Variants in SUCLG2 observed in about 807,000 individuals in gnomAD.
SUCLG2 encodes succinate-CoA ligase GDP-forming subunit beta.
Under a neutral mutation model 47.9 loss-of-function variants are expected in SUCLG2, and 42 were observed. The observed-to-expected ratio is 0.88, with a 90% CI of 0.69 to 1.14. The LOEUF is 1.14. Among genes scored for constraint, SUCLG2 ranks in the 50% most tolerant of loss-of-function variants. The pLI, the probability that SUCLG2 is intolerant of heterozygous loss-of-function variation, is 0.00. For missense variants in SUCLG2, 571 were observed against 525.9 expected (o/e 1.09, Z -0.84); for synonymous variants, 195 against 197.3 (o/e 0.99, Z 0.10).
At chr3:67,537,193 A>G (rs1304365400) in intron 2 of SUCLG2, among the ~76,000 whole-genome samples, 1 of 151,220 alleles carries the variant, frequency 6.6e-6, no homozygotes, top group Non-Finnish European at 1.5e-5. Flanking sequence ...TGTTATTTAA[A>G]TCCGTTCCCC....
intron 2 of SUCLG2, among the ~76,000 whole-genome samples, chr3:67,588,579 G>A (rs1405936610): frequency 1.3e-5 from 2 of 152,156 alleles, no homozygotes; most frequent in Non-Finnish European, 1.5e-5. Flanking sequence ...ATTGCATGAA[G>A]ATGAAGACAT....
At chr3:67,527,525 G>A (rs973245611) in intron 4 of SUCLG2, among the ~76,000 whole-genome samples, 3 of 152,124 alleles carry the variant, frequency 2.0e-5, no homozygotes, top group African/African-American at 7.2e-5. Flanking sequence ...TTAGGTTCTG[G>A]TCTCAGCTCT....
intron 2 of SUCLG2, among the ~76,000 whole-genome samples, chr3:67,562,443 A>G (rs527503988): frequency 6.6e-6 from 1 of 152,204 alleles, no homozygotes; most frequent in South Asian, 2.1e-4. Context: ...ATGCCCAGCT[A>G]AATTTTGTAT....
At chr3:67,583,652 T>C (rs1167839227) in intron 2 of SUCLG2, among the ~76,000 whole-genome samples, 2 of 152,214 alleles carry the variant, frequency 1.3e-5, no homozygotes, top group African/African-American at 4.8e-5. Flanking sequence ...GGAACTATGA[T>C]TCTTATTTGC....
At chr3:67,426,505 A>T (rs1047231280) in intron 9 of SUCLG2, among the ~76,000 whole-genome samples, 2 of 152,352 alleles carry the variant, frequency 1.3e-5, no homozygotes, top group African/African-American at 4.8e-5. Context: ...GAGTAAAAAA[A>T]TATATATTAC....
chr3:67,618,360 A>T (rs1456917872), intron 1 of SUCLG2, among the ~76,000 whole-genome samples: 1 of 152,162 alleles, frequency 6.6e-6, no homozygotes, highest in East Asian at 1.9e-4. Context: ...CGGAGGTTGC[A>T]GTGAGCCGAG....
chr3:67,621,066 T>C lies in SUCLG2; in HGVS notation c.85-11470A>G, dbSNP rs1247143302. Among the ~76,000 whole-genome samples, 4 of 152,202 alleles carry C rather than the reference T, an allele frequency of 2.6e-5. No individual in the cohort carries two copies. In the East Asian group the frequency reaches 5.8e-4, roughly 22 times the overall value. ...ATAAAGAGCCAGATAGTAAATATTATAGGCTTTGAGGCCAGGTGGACTCTG... is the reference window on the plus strand; with the variant it reads ...ATAAAGAGCCAGATAGTAAATATTACAGGCTTTGAGGCCAGGTGGACTCTG... On this transcript the variant is annotated intron_variant, in intron 1 of 10. Coordinates refer to ENST00000307227, the MANE Select transcript of SUCLG2 (RefSeq NM_003848.4).
At chr3:67,492,433 G>A (rs1461003930) in intron 9 of SUCLG2, among the ~76,000 whole-genome samples, 6 of 152,058 alleles carry the variant, frequency 3.9e-5, no homozygotes, top group Non-Finnish European at 8.8e-5. Flanking sequence ...AAAACCCAAG[G>A]TTAACATTCT....
chr3:67,464,348 G>C (rs778087132), intron 9 of SUCLG2, among the ~76,000 whole-genome samples: 12 of 152,194 alleles, frequency 7.9e-5, no homozygotes, highest in Middle Eastern at 3.2e-3. Flanking sequence ...AATTTTACAA[G>C]CGTGTGTATG....
intron 9 of SUCLG2, among the ~76,000 whole-genome samples, chr3:67,457,574 G>C (rs1559533752): frequency 6.6e-6 from 1 of 151,090 alleles, no homozygotes; most frequent in Non-Finnish European, 1.5e-5. Flanking sequence ...ACTGTGGATA[G>C]TGGTGTTATT....
chr3:67,568,502 T>C (rs537472192), intron 2 of SUCLG2, among the ~76,000 whole-genome samples: 37 of 152,334 alleles, frequency 2.4e-4, no homozygotes, highest in African/African-American at 8.7e-4. Flanking sequence ...AGTGGCATCT[T>C]TTTAAAAGAA....
rs79049890 is a variant in SUCLG2 at position 67,631,074 on chromosome 3, G to A, written c.85-21478C>T. Among the ~76,000 whole-genome samples, 1,280 of 152,292 alleles carry A rather than the reference G, an allele frequency of 8.4e-3. 15 individuals are homozygous for A. The highest frequency in any genetic ancestry group is 0.024 in the Middle Eastern group (7 of 294). On this transcript the variant is annotated intron_variant, in intron 1 of 10. Coordinates refer to ENST00000307227, the MANE Select transcript of SUCLG2 (RefSeq NM_003848.4). ...TGAGAGTCCAGATGAGGAAATTGCA[G>A]GCTGATGCTCTCTTACAACAGCACT...
chr3:67,450,785 C>A (rs550274177), intron 9 of SUCLG2, among the ~76,000 whole-genome samples: 1 of 152,194 alleles, frequency 6.6e-6, no homozygotes, highest in Non-Finnish European at 1.5e-5. Context: ...CAGGCCTTGG[C>A]CCATCCCAGA....
chr3:67,410,489 C>A lies in SUCLG2; in HGVS notation c.1063-9638G>T, dbSNP rs183805302. The stretch of plus-strand genomic sequence containing the variant: ...CAGAGATTTGGGGGAATAGCACAAG[C>A]ACAGTTTCTATTTTTTTACAGCCAT... On this transcript the variant is annotated intron_variant, in intron 9 of 10. Coordinates refer to ENST00000307227, the MANE Select transcript of SUCLG2 (RefSeq NM_003848.4). 2.0e-5 allele frequency among the ~76,000 whole-genome samples: 3 copies of A among 152,202 alleles called. No individual in the cohort carries two copies. In the East Asian group the frequency reaches 5.8e-4, roughly 29 times the overall value.
chr3:67,558,101 C>G (rs1019772389), intron 2 of SUCLG2, among the ~76,000 whole-genome samples: 7 of 152,102 alleles, frequency 4.6e-5, no homozygotes, highest in Non-Finnish European at 1.5e-5. Flanking sequence ...CGGCTTGTCT[C>G]CTATATGAGT....
intron 1 of SUCLG2, among the ~76,000 whole-genome samples, chr3:67,610,301 T>C (rs1220458007): frequency 1.3e-5 from 2 of 152,210 alleles, no homozygotes; most frequent in African/African-American, 2.4e-5. Context: ...TTAATTAAAC[T>C]AGTTCCTAAA....
chr3:67,520,618 G>A lies in SUCLG2; in HGVS notation c.434C>T (p.Ala145Val). 1 of 1,612,626 alleles carries A rather than the reference G, an allele frequency of 6.2e-7. No individual in the cohort carries two copies. Among genetic ancestry groups the A allele is most frequent in the Non-Finnish European group, 8.5e-7 (1 of 1,179,520 alleles). ...VKVNKVMVAE[A>V]LDISRETYLA... ...GTAGGTTTCTCTGGAAATATCCAAG[G>A]CTTCAGCAACCATCACCTACCACAT... Residue 145 changes from alanine (A) to valine (V), a missense_variant, in exon 5 of 11, where the codon GCC becomes GTC. Ala to Val is a moderately conservative substitution (Grantham distance 64, BLOSUM62 0). Coordinates refer to ENST00000307227, the MANE Select transcript of SUCLG2 (RefSeq NM_003848.4).
chr3:67,484,795 G>A (rs1346759202), intron 9 of SUCLG2, among the ~76,000 whole-genome samples: 2 of 152,138 alleles, frequency 1.3e-5, no homozygotes, highest in African/African-American at 4.8e-5. Flanking sequence ...ATCTGATGAT[G>A]GTTATAAAGA....
In SUCLG2 at chr3:67,377,978, G is replaced by T. The variant is rs192284273; in HGVS notation, c.1184-2119C>A. On this transcript the variant is annotated intron_variant, in intron 10 of 10. Transcript: ENST00000307227. Reference sequence around the variant, plus strand: ...CAAATCACTTCTTGAAGATGGCAATGACTCCTTCAGCCTGGATACTTTAAT... The same window carrying T: ...CAAATCACTTCTTGAAGATGGCAATTACTCCTTCAGCCTGGATACTTTAAT... Among the ~76,000 whole-genome samples, 36 of 152,252 alleles carry T rather than the reference G, an allele frequency of 2.4e-4. No individual in the cohort carries two copies. The East Asian group carries it at 6.4e-3, about 27-fold the overall frequency.
Sources: gnomAD v4.1 joint callset for allele counts (sites outside exome capture counted in the v4.1 genomes callset) on GRCh38, gnomAD v4.1.1 for gene constraint, MANE v1.5 for transcripts, NCBI Gene and HGNC (gene_info 2026-07-23, HGNC 2026-07-21) for gene names.